The following RNF180 variants were observed in gnomAD, a reference collection of about 807,000 sequenced individuals.
The protein encoded by RNF180 is E3 ubiquitin-protein ligase RNF180.
In RNF180, 38 loss-of-function variants were observed where a neutral mutation model predicts 59.2. The ratio of observed to expected loss-of-function variants is 0.64; its 90% CI spans 0.50 to 0.84. The LOEUF (loss-of-function observed/expected upper bound fraction) is 0.84. Ranked by LOEUF, RNF180 falls within the 40% of genes least tolerant of loss-of-function variation. The pLI, the probability that RNF180 is intolerant of heterozygous loss-of-function variation, is 0.00. For synonymous variants in RNF180, 262 were observed against 240.3 expected (o/e 1.09, Z -0.84); for missense variants, 705 against 700.9 (o/e 1.01, Z -0.07).
At chr5:64,336,749 G>A (rs932445836) in intron 7 of RNF180, among the ~76,000 whole-genome samples, 1 of 151,920 alleles carries the variant, frequency 6.6e-6, no homozygotes, top group East Asian at 1.9e-4. Context: ...TACTATGGGG[G>A]TTTCTGCCCT....
At chr5:64,240,751 C>G (rs1404781034) in intron 5 of RNF180, among the ~76,000 whole-genome samples, 1 of 152,206 alleles carries the variant, frequency 6.6e-6, no homozygotes, top group Non-Finnish European at 1.5e-5. Context: ...AGGCTCTGCC[C>G]TGAGGTATCC....
At chr5:64,295,276 T>C (rs1209794768) in intron 5 of RNF180, among the ~76,000 whole-genome samples, 1 of 152,140 alleles carries the variant, frequency 6.6e-6, no homozygotes, top group African/African-American at 2.4e-5. Flanking sequence ...CATCTGCTAC[T>C]CCAGCAAGCA....
chr5:64,188,596 G>A (rs1283725914), intron 1 of RNF180, among the ~76,000 whole-genome samples: 1 of 152,064 alleles, frequency 6.6e-6, no homozygotes, highest in African/African-American at 2.4e-5. Context: ...TTTATCTTAA[G>A]TTTTAAGAAA....
rs147757571 is a variant in RNF180 at position 64,321,326 on chromosome 5, C to G, written c.1228-3860C>G. Among the ~76,000 whole-genome samples, 227 of 152,256 alleles carry G rather than the reference C, an allele frequency of 1.5e-3. 1 individual carries two copies. The highest frequency in any genetic ancestry group is 5.2e-3 in the African/African-American group (217 of 41,552). ...AGCTGATAAGCAACTTCAGCAGACTCTCAGTATACAAAATCAATGTGCAAA... is the reference window on the plus strand; with the variant it reads ...AGCTGATAAGCAACTTCAGCAGACTGTCAGTATACAAAATCAATGTGCAAA... On this transcript the variant is annotated intron_variant, in intron 5 of 7. Coordinates refer to ENST00000389100, the MANE Select transcript of RNF180 (RefSeq NM_001113561.2).
intron 1 of RNF180, among the ~76,000 whole-genome samples, chr5:64,169,781 T>C (rs910874069): frequency 6.6e-6 from 1 of 152,248 alleles, no homozygotes; most frequent in Non-Finnish European, 1.5e-5. Flanking sequence ...ATACCTAGTA[T>C]AACTTTAACA....
At chr5:64,194,783 G>A (rs1190160136) in intron 1 of RNF180, among the ~76,000 whole-genome samples, 1 of 151,964 alleles carries the variant, frequency 6.6e-6, no homozygotes, top group African/African-American at 2.4e-5. Context: ...TGTGTCTTTT[G>A]GCTGCATAAA....
intron 7 of RNF180, among the ~76,000 whole-genome samples, chr5:64,366,513 C>T (rs1260002277): frequency 6.6e-6 from 1 of 151,500 alleles, no homozygotes; most frequent in African/African-American, 2.4e-5. Flanking sequence ...TGGAGGAGTT[C>T]TCGTGGATGA....
At chr5:64,309,128 T>C (rs1431390835) in intron 5 of RNF180, among the ~76,000 whole-genome samples, 1 of 151,700 alleles carries the variant, frequency 6.6e-6, no homozygotes, top group Admixed American at 6.6e-5. Flanking sequence ...GAAAATGTCA[T>C]TTAACAGTCA....
At chr5:64,328,349 A>AC (rs1744748947) in intron 6 of RNF180, among the ~76,000 whole-genome samples, 1 of 152,240 alleles carries the variant, frequency 6.6e-6, no homozygotes, top group Non-Finnish European at 1.5e-5. Context: ...AATGACACTG[A>AC]CAAGCCCCTT....
At chr5:64,244,296 A>C (rs1743010615) in intron 5 of RNF180, among the ~76,000 whole-genome samples, 3 of 152,300 alleles carry the variant, frequency 2.0e-5, no homozygotes, top group Admixed American at 2.0e-4. Context: ...AACTCTTCCA[A>C]GCTAAAGGAG....
chr5:64,307,931 C>T (rs1743560437), intron 5 of RNF180, among the ~76,000 whole-genome samples: 1 of 151,694 alleles, frequency 6.6e-6, no homozygotes, highest in Non-Finnish European at 1.5e-5. Context: ...TTGCAGGAAG[C>T]AGTATGGCTG....
chr5:64,355,767 G>A (rs1177673748), intron 7 of RNF180, among the ~76,000 whole-genome samples: 3 of 151,844 alleles, frequency 2.0e-5, no homozygotes, highest in African/African-American at 4.8e-5. Context: ...TTTTTGACAA[G>A]TCTACTAATG....
Position 64,231,959 on chromosome 5 carries a change from G to GCT in RNF180, c.1227+14564_1227+14565dup, listed in dbSNP as rs552420378. On this transcript the variant is annotated intron_variant, in intron 5 of 7. Transcript: ENST00000389100. ...TTTAAGTGACCAGTCTTTGTGTTAGGCTATTTTGCTTTTTAGTAACACTTA... is the reference window on the plus strand; with the variant it reads ...TTTAAGTGACCAGTCTTTGTGTTAGGCTCTATTTTGCTTTTTAGTAACACTTA... 1.4e-4 allele frequency among the ~76,000 whole-genome samples: 21 copies of GCT among 152,120 alleles called. No homozygotes were observed. In the South Asian group the frequency reaches 4.2e-3, roughly 30 times the overall value.
chr5:64,225,935 G>A (rs573699632), intron 5 of RNF180, among the ~76,000 whole-genome samples: 14 of 134,744 alleles, frequency 1.0e-4, no homozygotes, highest in East Asian at 2.3e-4. Flanking sequence ...AGTGAGGAGC[G>A]CCTCTGCCCG....
Position 64,214,000 on chromosome 5 carries a change from A to T in RNF180, c.674A>T (p.His225Leu). 3.7e-6 allele frequency: 6 copies of T among 1,614,180 alleles called. No homozygotes were observed. The highest frequency in any genetic ancestry group is 5.1e-6 in the Non-Finnish European group (6 of 1,180,012). The change falls in exon 4 of 8, where the codon CAT (histidine) becomes CTT (leucine). Residue 225 changes from histidine (H) to leucine (L), a missense_variant. Coordinates refer to ENST00000389100, the MANE Select transcript of RNF180 (RefSeq NM_001113561.2). Reference sequence around the variant, plus strand: ...GGCAGATGCGCTACAAGAGCTTTTCATAGAAAATCACATAGTTTGGATCTG... The same window carrying T: ...GGCAGATGCGCTACAAGAGCTTTTCTTAGAAAATCACATAGTTTGGATCTG... Reference protein sequence around the residue: ...VTGRCATRAFHRKSHSLDLNI... With the variant: ...VTGRCATRAFLRKSHSLDLNI...
intron 2 of RNF180, among the ~76,000 whole-genome samples, chr5:64,201,775 T>C (rs1465778546): frequency 3.9e-5 from 6 of 152,212 alleles, no homozygotes; most frequent in Non-Finnish European, 7.3e-5. Flanking sequence ...AGTCTTGCTC[T>C]GTCACCCAGG....
In RNF180 at chr5:64,371,160, T is replaced by A. The variant is rs1259616248; in HGVS notation, c.*1346T>A. ...GATTTCTATTCTAATGCTGTTCTTATTATTGTGTTTTAAATTATATCTATT... is the reference window on the plus strand; with the variant it reads ...GATTTCTATTCTAATGCTGTTCTTAATATTGTGTTTTAAATTATATCTATT... On this transcript the variant is annotated 3_prime_UTR_variant, in exon 8 of 8. Coordinates refer to ENST00000389100, the MANE Select transcript of RNF180 (RefSeq NM_001113561.2). 6.6e-6 allele frequency: 1 copy of A among 151,690 alleles called. No individual in the cohort carries two copies. The highest frequency in any genetic ancestry group is 6.6e-5 in the Admixed American group (1 of 15,182). 9.4% of individuals were successfully genotyped at this position (151,690 alleles called of 1,614,324 possible). A position where few individuals can be genotyped will look rare whatever the true frequency, so the allele number is the denominator to read the frequency against.
At chr5:64,289,824 T>G (rs1023204056) in intron 5 of RNF180, among the ~76,000 whole-genome samples, 10 of 152,084 alleles carry the variant, frequency 6.6e-5, no homozygotes, top group African/African-American at 2.4e-4. Flanking sequence ...TTATTAATTT[T>G]CTCAAAAAAC....
rs1041687625 is a variant in RNF180 at position 64,319,731 on chromosome 5, T to G, written c.1228-5455T>G. Among the ~76,000 whole-genome samples the G allele has an allele frequency of 1.2e-4, 18 of 152,296 alleles. No homozygotes were observed. The East Asian group carries it at 3.5e-3, about 29-fold the overall frequency. On this transcript the variant is annotated intron_variant, in intron 5 of 7. Transcript: ENST00000389100. ...GAGTATTATCTGGCTGAGGAAGAAGTGTTCCCTTTTAATAGGTGAGTGAGG... is the reference window on the plus strand; with the variant it reads ...GAGTATTATCTGGCTGAGGAAGAAGGGTTCCCTTTTAATAGGTGAGTGAGG...
Sources: allele counts gnomAD v4.1 joint callset (sites outside exome capture counted in the v4.1 genomes callset), GRCh38; gene constraint gnomAD v4.1.1; transcripts MANE v1.5; gene names NCBI Gene and HGNC (gene_info 2026-07-23, HGNC 2026-07-21).